The following TRAPPC9 variants were observed in gnomAD, a reference collection of about 807,000 sequenced individuals.
The protein encoded by TRAPPC9 is trafficking protein particle complex subunit 9.
A neutral mutation model predicts 124.0 loss-of-function variants in TRAPPC9; 83 were observed. The observed-to-expected ratio is 0.67, with a 90% CI of 0.56 to 0.80. The LOEUF (loss-of-function observed/expected upper bound fraction) is 0.80, where lower values mean the gene tolerates loss of function less well. Ranked by LOEUF, TRAPPC9 falls within the 30% of genes least tolerant of loss-of-function variation. The pLI, the probability that TRAPPC9 is intolerant of heterozygous loss-of-function variation, is 0.00. For missense variants in TRAPPC9, 1,302 were observed against 1,508.3 expected, an observed-to-expected ratio of 0.86 and a Z score of 2.27; for synonymous variants, 638 against 617.5, an observed-to-expected ratio of 1.03 and a Z score of -0.49.
chr8:140,123,187 G>T (rs538134666), intron 17 of TRAPPC9, among the ~76,000 whole-genome samples: 3 of 151,966 alleles, frequency 2.0e-5, no homozygotes, highest in Admixed American at 2.0e-4. Flanking sequence ...GCTGGTCACT[G>T]TCCCCGACCC....
At chr8:140,289,426 C>A (rs535495144) in intron 12 of TRAPPC9, among the ~76,000 whole-genome samples, 2 of 152,264 alleles carry the variant, frequency 1.3e-5, no homozygotes, top group African/African-American at 4.8e-5. Flanking sequence ...GCATTTATTT[C>A]TTTTGAAAAT....
At chr8:139,757,519 G>A (rs1038516775) in intron 21 of TRAPPC9, among the ~76,000 whole-genome samples, 1 of 151,966 alleles carries the variant, frequency 6.6e-6, no homozygotes, top group African/African-American at 2.4e-5. Context: ...GGAGGAGCCA[G>A]GGTTTGGGTA....
At chr8:139,885,759 T>C in intron 21 of TRAPPC9, 120 bp downstream of exon 21, 1 of 934,124 alleles carries the variant, frequency 1.1e-6, no homozygotes. Flanking sequence ...TTTCCCGTGA[T>C]GACCTTCAGT....
chr8:140,451,166 C>T lies in TRAPPC9; in HGVS notation c.208G>A (p.Asp70Asn), dbSNP rs187524836. The change falls in exon 2 of 23, where the codon GAC becomes AAC. Residue 70 changes from aspartate (D) to asparagine (N), a missense_variant. This residue lies in a region of TRAPPC9 where 657 missense variants were observed against 811.2 expected (regional missense o/e 0.81). Coordinates refer to ENST00000438773, the MANE Select transcript of TRAPPC9 (RefSeq NM_001160372.4). ...ACGACTTTGCGGTGGGTCTGGAAGT[C>T]ACCCCACTCGTTGTTCTCGGGTGGG... ...HYPPENNEWG[D>N]FQTHRKVVGL... The T allele has an allele frequency of 1.9e-6, 3 of 1,614,028 alleles. No homozygotes were observed. Among genetic ancestry groups the T allele is most frequent in the Admixed American group, 1.7e-5 (1 of 60,006 alleles).
chr8:140,159,276 G>C (rs2061705392), intron 17 of TRAPPC9, among the ~76,000 whole-genome samples: 1 of 152,200 alleles, frequency 6.6e-6, no homozygotes, highest in South Asian at 2.1e-4. Flanking sequence ...ACCCCTACCA[G>C]AATGCAGGCT....
At chr8:139,874,770 C>T (rs952805600) in intron 21 of TRAPPC9, among the ~76,000 whole-genome samples, 1 of 152,180 alleles carries the variant, frequency 6.6e-6, no homozygotes, top group Non-Finnish European at 1.5e-5. Context: ...GGGAGTCCAT[C>T]CTCAGGGCTC....
In TRAPPC9 at chr8:140,435,192, C is replaced by A. The variant is rs769029934; in HGVS notation, c.779G>T (p.Gly260Val). ...AGCTCCACTCTTCCCACCAGTTCCA[C>A]CAGGATAGTGATAGATGACAGAAGC... Reference protein sequence around the residue: ...CSASVIYHYPGGTGGKSGARR... With the variant: ...CSASVIYHYPVGTGGKSGARR... The change falls in exon 4 of 23, where the codon GGT (glycine) becomes GTT (valine). Residue 260 changes from glycine (G) to valine (V), a missense_variant. Gly to Val is a moderately radical substitution (Grantham distance 109). Coordinates refer to ENST00000438773, the MANE Select transcript of TRAPPC9 (RefSeq NM_001160372.4). 6.2e-7 allele frequency: 1 copy of A among 1,614,168 alleles called. No individual in the cohort carries two copies. Among genetic ancestry groups the A allele is most frequent in the East Asian group, 2.2e-5 (1 of 44,878 alleles).
In TRAPPC9 at chr8:139,887,708, G is replaced by A. The variant is rs372388968; in HGVS notation, c.2965-1739C>T. Among the ~76,000 whole-genome samples the A allele has an allele frequency of 2.0e-4, 31 of 152,260 alleles. No homozygotes were observed. In the South Asian group the frequency reaches 6.0e-3, roughly 29 times the overall value. On this transcript the variant is annotated intron_variant, in intron 20 of 22. Transcript: ENST00000438773. ...CTCCTGCAGGAACCCTCCAGAAAGTGTGCATGCATCCCATGACAACCTGTG... is the reference window on the plus strand; with the variant it reads ...CTCCTGCAGGAACCCTCCAGAAAGTATGCATGCATCCCATGACAACCTGTG...
rs1564032383 is a variant in TRAPPC9 at position 140,450,953 on chromosome 8, A to G, written c.421T>C (p.Cys141Arg). Residue 141 changes from cysteine (C) to arginine (R), a missense_variant, in exon 2 of 23, where the codon TGC becomes CGC. Physicochemically the swap from Cys to Arg is radical, Grantham distance 180 (BLOSUM62 -3). Around this residue, in one of 3 missense-constraint regions of TRAPPC9, gnomAD observed 657 missense variants for 811.2 expected, o/e 0.81. Coordinates refer to ENST00000438773, the MANE Select transcript of TRAPPC9 (RefSeq NM_001160372.4). The part of the protein sequence containing the change: ...DVAFYPNYED[C>R]QTVEKRIEDF... Reference sequence around the variant, plus strand: ...TCGATTCTCTTCTCCACCGTCTGGCAGTCCTCGTAGTTGGGGTAGAAAGCC... The same window carrying G: ...TCGATTCTCTTCTCCACCGTCTGGCGGTCCTCGTAGTTGGGGTAGAAAGCC... 1.9e-6 allele frequency: 3 copies of G among 1,614,048 alleles called. No homozygotes were observed. The highest frequency in any genetic ancestry group is 1.3e-5 in the African/African-American group (1 of 74,936).
intron 14 of TRAPPC9, among the ~76,000 whole-genome samples, chr8:140,282,891 T>C (rs946465094): frequency 1.3e-5 from 2 of 152,210 alleles, no homozygotes; most frequent in African/African-American, 4.8e-5. Flanking sequence ...TTCTTTTTTA[T>C]GTTTTCCTGT....
chr8:139,744,107 A>G (rs1818736228), intron 21 of TRAPPC9, among the ~76,000 whole-genome samples: 1 of 152,246 alleles, frequency 6.6e-6, no homozygotes, highest in African/African-American at 2.4e-5. Flanking sequence ...CCTCTCCTGC[A>G]CAACTGCTCT....
At chr8:139,874,839 C>T (rs538325745) in intron 21 of TRAPPC9, among the ~76,000 whole-genome samples, 61 of 152,252 alleles carry the variant, frequency 4.0e-4, no homozygotes, top group African/African-American at 1.3e-3. Flanking sequence ...GGTGGAAGAT[C>T]GCCCTGAGCG....
At chr8:139,745,401 G>A (rs527239755) in intron 21 of TRAPPC9, among the ~76,000 whole-genome samples, 102 of 152,366 alleles carry the variant, frequency 6.7e-4, no homozygotes, top group Non-Finnish European at 1.1e-3. Context: ...ATGAACAGAG[G>A]GGTGTGAATC....
chr8:140,411,224 T>C (rs1412265703), intron 5 of TRAPPC9, among the ~76,000 whole-genome samples: 1 of 152,236 alleles, frequency 6.6e-6, no homozygotes, highest in African/African-American at 2.4e-5. Context: ...GCAATGAGCA[T>C]GCTTAGTGAC....
intron 16 of TRAPPC9, among the ~76,000 whole-genome samples, chr8:140,250,539 AC>A (rs2064108673): frequency 6.6e-6 from 1 of 152,120 alleles, no homozygotes; most frequent in Non-Finnish European, 1.5e-5. Flanking sequence ...CACTGAGTTC[AC>A]AGCCACTTCA....
At chr8:140,324,991 C>A (rs111854208) in intron 9 of TRAPPC9, among the ~76,000 whole-genome samples, 3 of 151,908 alleles carry the variant, frequency 2.0e-5, no homozygotes, top group African/African-American at 7.2e-5. Context: ...TTTTAAAAGA[C>A]TGAAATCACA....
At chr8:139,790,084 A>G (rs770501995) in intron 21 of TRAPPC9, among the ~76,000 whole-genome samples, 2 of 152,198 alleles carry the variant, frequency 1.3e-5, no homozygotes, top group South Asian at 2.1e-4. Context: ...GTGTCTGTCC[A>G]TGCATCTGCG....
At chr8:140,197,350 G>C (rs930953961) in intron 17 of TRAPPC9, among the ~76,000 whole-genome samples, 6 of 152,186 alleles carry the variant, frequency 3.9e-5, no homozygotes, top group African/African-American at 1.4e-4. Flanking sequence ...TCTTCACTTG[G>C]AGCCCCTTAA....
chr8:140,241,619 C>T lies in TRAPPC9; in HGVS notation c.2431+11158G>A, dbSNP rs1277506052. Among the ~76,000 whole-genome samples, 3 of 151,508 alleles carry T rather than the reference C, an allele frequency of 2.0e-5. No homozygotes were observed. Among genetic ancestry groups the T allele is most frequent in the Non-Finnish European group, 2.9e-5 (2 of 67,920 alleles). On this transcript the variant is annotated intron_variant, in intron 16 of 22. Transcript: ENST00000438773. The surrounding 1 kb of genome is among the most constrained non-coding windows in gnomAD (Gnocchi z 5.0). The stretch of plus-strand genomic sequence containing the variant: ...CTGAGACAGGAGAATCGCTTAAGCC[C>T]GGGAGGCAGAGGTTGCAGTGAGCTG...
Sources: allele counts gnomAD v4.1 joint callset (sites outside exome capture counted in the v4.1 genomes callset), GRCh38; gene constraint gnomAD v4.1.1; regional missense constraint gnomAD v4.1.1; non-coding constraint Gnocchi (gnomAD v3.1); transcripts MANE v1.5; gene names NCBI Gene and HGNC (gene_info 2026-07-23, HGNC 2026-07-21).